The following CSRNP3 variants were observed in gnomAD, a reference collection of about 807,000 sequenced individuals.
The protein encoded by CSRNP3 is cysteine and serine rich nuclear protein 3, also known as cysteine/serine-rich nuclear protein 3.
CSRNP3 carries 12 observed loss-of-function variants against 48.0 expected under a neutral mutation model. The observed-to-expected ratio is 0.25, with a 90% confidence interval of 0.16 to 0.41. The LOEUF is 0.41. Ranked by LOEUF, CSRNP3 falls within the 10% of genes least tolerant of loss-of-function variation. The pLI is 1.00. For synonymous variants in CSRNP3, 263 were observed against 269.7 expected, an observed-to-expected ratio of 0.98 and a Z score of 0.24; for missense variants, 580 against 724.4, an observed-to-expected ratio of 0.80 and a Z score of 2.29.
chr2:165,594,619 C>T (rs912953760), intron 3 of CSRNP3, among the ~76,000 whole-genome samples: 19 of 152,136 alleles, frequency 1.2e-4, no homozygotes, highest in African/African-American at 4.6e-4. Flanking sequence ...AATTGGGTTT[C>T]TTGAATTTTA....
At chr2:165,601,777 T>G (rs556458467) in intron 4 of CSRNP3, among the ~76,000 whole-genome samples, 1 of 151,538 alleles carries the variant, frequency 6.6e-6, no homozygotes, top group Non-Finnish European at 1.5e-5. Flanking sequence ...GTGATTTCCC[T>G]ACTACTGGCT....
At chr2:165,624,713 C>T (rs183416534) in intron 4 of CSRNP3, among the ~76,000 whole-genome samples, 124 of 152,290 alleles carry the variant, frequency 8.1e-4, no homozygotes, top group African/African-American at 2.9e-3. Flanking sequence ...ACCCTTACTT[C>T]CCCTGCCTCT....
At position 165,620,726 on chromosome 2, in the gene CSRNP3, G is replaced by T. The variant is rs375033925; in HGVS notation, c.148+25513G>T. Among the ~76,000 whole-genome samples, 37 of 152,178 alleles carry T rather than the reference G, an allele frequency of 2.4e-4. 1 individual carries two copies. In the East Asian group the frequency reaches 6.2e-3, roughly 25 times the overall value. On this transcript the variant is annotated intron_variant, in intron 4 of 6. Transcript: ENST00000651982. ...TGGTAGCCCATAAATGCAGTGGCTG[G>T]TACCTTACATGTGGTATTTGTAAGG...
chr2:165,516,740 C>T (rs1684587875), intron 2 of CSRNP3, among the ~76,000 whole-genome samples: 1 of 152,120 alleles, frequency 6.6e-6, no homozygotes, highest in African/African-American at 2.4e-5. Flanking sequence ...ATTCCAATCA[C>T]AATTTGATAT....
At chr2:165,487,919 T>A in intron 1 of CSRNP3, among the ~76,000 whole-genome samples, 3 of 136,978 alleles carry the variant, frequency 2.2e-5, no homozygotes, top group Non-Finnish European at 3.2e-5. Context: ...AACATCATAA[T>A]GACAGGATCA....
chr2:165,490,089 C>A (rs1210875144), intron 1 of CSRNP3, among the ~76,000 whole-genome samples: 2 of 151,078 alleles, frequency 1.3e-5, no homozygotes, highest in Non-Finnish European at 3.0e-5. Context: ...TGATAAGCAA[C>A]TTCAGCAAAG....
intron 4 of CSRNP3, among the ~76,000 whole-genome samples, chr2:165,648,854 C>T (rs577293475): frequency 8.5e-5 from 13 of 152,276 alleles, no homozygotes; most frequent in Non-Finnish European, 1.6e-4. Flanking sequence ...ACATCAAAAT[C>T]TTGGGCAATA....
chr2:165,492,194 T>A (rs1684221849), intron 1 of CSRNP3, among the ~76,000 whole-genome samples: 1 of 152,152 alleles, frequency 6.6e-6, no homozygotes, highest in Non-Finnish European at 1.5e-5. Context: ...CTTTTTCCCA[T>A]CACTTCTACC....
intron 3 of CSRNP3, among the ~76,000 whole-genome samples, chr2:165,519,171 G>A (rs1684618489): frequency 6.7e-6 from 1 of 148,688 alleles, no homozygotes; most frequent in African/African-American, 2.4e-5. Flanking sequence ...AGAAATATGA[G>A]ATTCTAGGAA....
chr2:165,477,668 C>CA (rs34931649), intron 1 of CSRNP3, among the ~76,000 whole-genome samples: 34,161 of 128,610 alleles, frequency 0.27, 4,219 homozygotes, highest in East Asian at 0.4. Flanking sequence ...GACTCCATCT[C>CA]AAAAAAAAAA....
intron 3 of CSRNP3, among the ~76,000 whole-genome samples, chr2:165,529,653 C>A (rs575101784): frequency 1.6e-4 from 25 of 152,288 alleles, no homozygotes; most frequent in Middle Eastern, 3.4e-3. Context: ...GCAGAAACTT[C>A]TCTTTTTTTC....
chr2:165,564,254 T>A (rs1281067018), intron 3 of CSRNP3, among the ~76,000 whole-genome samples: 3 of 152,090 alleles, frequency 2.0e-5, no homozygotes, highest in Admixed American at 6.6e-5. Context: ...AAAGATCAAT[T>A]TCCTTGATAT....
intron 1 of CSRNP3, among the ~76,000 whole-genome samples, chr2:165,485,055 T>C (rs1249793971): frequency 2.0e-5 from 3 of 152,188 alleles, no homozygotes; most frequent in Admixed American, 1.3e-4. Context: ...ATATCATAGA[T>C]TGGGAGAATT....
chr2:165,498,831 C>T (rs1684315313), intron 2 of CSRNP3, among the ~76,000 whole-genome samples: 1 of 152,066 alleles, frequency 6.6e-6, no homozygotes, highest in African/African-American at 2.4e-5. Flanking sequence ...TAGAAAACCT[C>T]CAAATTTCCC....
intron 3 of CSRNP3, among the ~76,000 whole-genome samples, chr2:165,533,555 G>A (rs1684843591): frequency 6.6e-6 from 1 of 152,078 alleles, no homozygotes; most frequent in Non-Finnish European, 1.5e-5. Context: ...GTTTATTGAT[G>A]CAGTGGGACT....
intron 4 of CSRNP3, among the ~76,000 whole-genome samples, chr2:165,615,158 G>A (rs143511850): frequency 1.3e-5 from 2 of 152,294 alleles, no homozygotes; most frequent in Middle Eastern, 3.4e-3. Flanking sequence ...ATGTGGTGGT[G>A]AAGTCCTATT....
chr2:165,621,770 C>T (rs534363010), intron 4 of CSRNP3, among the ~76,000 whole-genome samples: 4 of 152,184 alleles, frequency 2.6e-5, no homozygotes, highest in Non-Finnish European at 5.9e-5. Flanking sequence ...ATACCTGCAA[C>T]ACACAATTTA....
chr2:165,497,797 T>C (rs942802210), intron 2 of CSRNP3, among the ~76,000 whole-genome samples: 4 of 151,958 alleles, frequency 2.6e-5, no homozygotes, highest in Non-Finnish European at 4.4e-5. Context: ...CCCTAGAGTC[T>C]ACCTCTCTAC....
At chr2:165,490,371 G>A (rs1684186560) in intron 1 of CSRNP3, among the ~76,000 whole-genome samples, 1 of 144,874 alleles carries the variant, frequency 6.9e-6, no homozygotes, top group African/African-American at 2.7e-5. Context: ...TGGCCATACT[G>A]CCCAAGGTAA....
Sources: allele counts gnomAD v4.1 joint callset (sites outside exome capture counted in the v4.1 genomes callset), GRCh38; gene constraint gnomAD v4.1.1; transcripts MANE v1.5; gene names NCBI Gene and HGNC (gene_info 2026-07-23, HGNC 2026-07-21).